The following ZBTB20 variants were observed in gnomAD, a reference collection of about 807,000 sequenced individuals.
The protein encoded by ZBTB20 is zinc finger and BTB domain-containing protein 20.
In ZBTB20, 9 loss-of-function variants were observed where a neutral mutation model predicts 56.9. The observed-to-expected ratio is 0.16, with a 90% CI of 0.10 to 0.28. The LOEUF (loss-of-function observed/expected upper bound fraction) is 0.28, where lower values mean the gene tolerates loss of function less well. Among genes scored for constraint, ZBTB20 ranks in the 10% least tolerant of loss-of-function variants. The pLI is 1.00. For synonymous variants in ZBTB20, 417 were observed against 420.7 expected (o/e 0.99, Z 0.11); for missense variants, 655 against 1,003.0 (o/e 0.65, Z 4.69).
chr3:114,740,235 G>A (rs1016432202), intron 5 of ZBTB20, among the ~76,000 whole-genome samples: 5 of 152,152 alleles, frequency 3.3e-5, no homozygotes, highest in Non-Finnish European at 7.3e-5. Context: ...TTGGTTAACT[G>A]TATTTCACTA....
At chr3:114,609,423 G>A (rs2057392626) in intron 6 of ZBTB20, among the ~76,000 whole-genome samples, 1 of 152,074 alleles carries the variant, frequency 6.6e-6, no homozygotes, top group Admixed American at 6.6e-5. Context: ...AATTACACTG[G>A]TAAACAGGCC....
At chr3:115,145,390 C>G (rs939813479) in intron 1 of ZBTB20, among the ~76,000 whole-genome samples, 1 of 152,144 alleles carries the variant, frequency 6.6e-6, no homozygotes, top group African/African-American at 2.4e-5. Context: ...TCTAGGAAAC[C>G]AAAATCCACA....
At chr3:114,851,419 T>G (rs2074993286) in intron 4 of ZBTB20, among the ~76,000 whole-genome samples, 1 of 152,188 alleles carries the variant, frequency 6.6e-6, no homozygotes, top group Non-Finnish European at 1.5e-5. Flanking sequence ...AATTTATATT[T>G]ACTTAAAATT....
At chr3:114,471,203 C>A (rs1384936381) in intron 7 of ZBTB20, among the ~76,000 whole-genome samples, 2 of 152,110 alleles carry the variant, frequency 1.3e-5, no homozygotes, top group Non-Finnish European at 2.9e-5. Flanking sequence ...ATAATATTAA[C>A]AATAATAACT....
chr3:114,914,480 C>G (rs2075667822), intron 3 of ZBTB20, among the ~76,000 whole-genome samples: 1 of 151,796 alleles, frequency 6.6e-6, no homozygotes, highest in South Asian at 2.1e-4. Flanking sequence ...CTGGTGAAGT[C>G]TTCAAATATA....
At chr3:114,895,136 A>T (rs975850649) in intron 4 of ZBTB20, among the ~76,000 whole-genome samples, 6 of 152,140 alleles carry the variant, frequency 3.9e-5, no homozygotes, top group Non-Finnish European at 8.8e-5. Flanking sequence ...AAATTCATAA[A>T]TCCACTTTTC....
intron 5 of ZBTB20, among the ~76,000 whole-genome samples, chr3:114,731,410 A>G (rs182855635): frequency 1.6e-4 from 24 of 152,342 alleles, no homozygotes; most frequent in African/African-American, 3.4e-4. Context: ...GATGTAGCCC[A>G]TAATTCCAGT....
chr3:115,067,621 A>C (rs891459888), intron 2 of ZBTB20, among the ~76,000 whole-genome samples: 1 of 152,184 alleles, frequency 6.6e-6, no homozygotes, highest in Non-Finnish European at 1.5e-5. Flanking sequence ...CCTCTGATAC[A>C]GAGAAATAAA....
chr3:114,803,106 T>C (rs2071840304), intron 4 of ZBTB20, among the ~76,000 whole-genome samples: 2 of 151,748 alleles, frequency 1.3e-5, no homozygotes, highest in Admixed American at 1.3e-4. Context: ...TTCTCCACTT[T>C]CACTTTCTTT....
chr3:114,850,081 G>C (rs2074924461), intron 4 of ZBTB20, among the ~76,000 whole-genome samples: 1 of 151,728 alleles, frequency 6.6e-6, no homozygotes, highest in East Asian at 1.9e-4. Flanking sequence ...TGTATTTTTA[G>C]TAGAGACGAG....
chr3:114,609,718 T>G (rs1218435524), intron 6 of ZBTB20, among the ~76,000 whole-genome samples: 1 of 152,058 alleles, frequency 6.6e-6, no homozygotes, highest in Non-Finnish European at 1.5e-5. Flanking sequence ...ATATCCTGAA[T>G]GGGGTAGGGC....
intron 2 of ZBTB20, among the ~76,000 whole-genome samples, chr3:114,991,057 C>G (rs931889255): frequency 6.6e-6 from 1 of 152,144 alleles, no homozygotes; most frequent in African/African-American, 2.4e-5. Context: ...AAAAAACCAG[C>G]TCCTGGATTC....
chr3:114,911,123 A>C (rs199984832), intron 3 of ZBTB20, among the ~76,000 whole-genome samples: 3 of 7,652 alleles, frequency 3.9e-4, no homozygotes, highest in African/African-American at 1.7e-4. Context: ...TAGTTATCCC[A>C]AAAAAAAAAG....
chr3:114,936,679 T>C (rs2076546195), intron 3 of ZBTB20, among the ~76,000 whole-genome samples: 1 of 152,116 alleles, frequency 6.6e-6, no homozygotes, highest in Non-Finnish European at 1.5e-5. Flanking sequence ...ATTTTAAAAG[T>C]GAGATACTAG....
At chr3:114,957,843 T>C (rs1478960082) in intron 3 of ZBTB20, among the ~76,000 whole-genome samples, 1 of 152,240 alleles carries the variant, frequency 6.6e-6, no homozygotes, top group Non-Finnish European at 1.5e-5. Context: ...CCAGGATGAA[T>C]GGAGGTCAGC....
At chr3:114,468,578 T>A (rs548644977) in intron 7 of ZBTB20, among the ~76,000 whole-genome samples, 6 of 152,234 alleles carry the variant, frequency 3.9e-5, no homozygotes, top group Non-Finnish European at 8.8e-5. Flanking sequence ...TAATCCTACA[T>A]GGTATTCTAT....
rs145929756 is a variant in ZBTB20, at chr3:114,919,476, G to C, written c.-455-19134C>G. Among the ~76,000 whole-genome samples, 12 of 152,284 alleles carry C rather than the reference G, an allele frequency of 7.9e-5. No individual in the cohort carries two copies. In the East Asian group the frequency reaches 2.3e-3, roughly 29 times the overall value. On this transcript the variant is annotated intron_variant, in intron 3 of 11. Transcript: ENST00000675478. Reference sequence around the variant, plus strand: ...TAATCCCAGCACTTTGGGAGGCCAAGGGGAGTGAATCATGAGGTCAGGAGT... The same window carrying C: ...TAATCCCAGCACTTTGGGAGGCCAACGGGAGTGAATCATGAGGTCAGGAGT...
chr3:114,703,731 T>C (rs974164764), intron 5 of ZBTB20, among the ~76,000 whole-genome samples: 3 of 152,122 alleles, frequency 2.0e-5, no homozygotes, highest in East Asian at 3.9e-4. Context: ...CTAAAGACAA[T>C]TGCAAGTGTC....
intron 4 of ZBTB20, among the ~76,000 whole-genome samples, chr3:114,817,546 A>C (rs1430547221): frequency 6.6e-6 from 1 of 150,848 alleles, no homozygotes; most frequent in Non-Finnish European, 1.5e-5. Context: ...TAAATAAATA[A>C]ATAAATAAAT....
Sources: allele counts gnomAD v4.1 joint callset (sites outside exome capture counted in the v4.1 genomes callset), GRCh38; gene constraint gnomAD v4.1.1; transcripts MANE v1.5; gene names NCBI Gene and HGNC (gene_info 2026-07-23, HGNC 2026-07-21).